The following FBXW7 variants were observed in gnomAD, a reference collection of about 807,000 sequenced individuals.
The protein encoded by FBXW7 is F-box and WD repeat domain containing 7.
FBXW7 carries 11 observed loss-of-function variants against 86.3 expected under a neutral mutation model. The ratio of observed to expected loss-of-function variants is 0.13; its 90% CI spans 0.08 to 0.21. The LOEUF (loss-of-function observed/expected upper bound fraction) is 0.21. Among genes scored for constraint, FBXW7 ranks in the 10% least tolerant of loss-of-function variants. FBXW7 has a pLI of 1.00. For missense variants in FBXW7, 488 were observed against 847.4 expected (o/e 0.58, Z 5.27); for synonymous variants, 313 against 297.9 (o/e 1.05, Z -0.52).
intron 4 of FBXW7, among the ~76,000 whole-genome samples, chr4:152,404,460 T>G (rs1225675853): frequency 6.6e-6 from 1 of 152,258 alleles, no homozygotes; most frequent in Non-Finnish European, 1.5e-5. Context: ...CATATGTATA[T>G]ATGTAGATAC....
chr4:152,349,339 C>T (rs533778039), intron 5 of FBXW7, among the ~76,000 whole-genome samples: 1 of 151,400 alleles, frequency 6.6e-6, no homozygotes, highest in Admixed American at 6.6e-5. Flanking sequence ...TAAGATACTT[C>T]TGTCATTTAA....
At chr4:152,424,924 T>C (rs867831917) in intron 2 of FBXW7, among the ~76,000 whole-genome samples, 1 of 152,228 alleles carries the variant, frequency 6.6e-6, no homozygotes, top group Non-Finnish European at 1.5e-5. Context: ...TGCAGGTCAC[T>C]GGTTGAGACA....
chr4:152,330,712 A>C lies in FBXW7; in HGVS notation c.1122+20T>G. ...AACACTGATTAACGGTTTCTGTTAC[A>C]TTGTGCAGAGTTCAGTTACCTTAGG... On this transcript the variant is annotated intron_variant, in intron 9 of 13. Transcript: ENST00000281708. 2 of 1,607,980 alleles carry C rather than the reference A, an allele frequency of 1.2e-6. No homozygotes were observed. The highest frequency in any genetic ancestry group is 1.7e-6 in the Non-Finnish European group (2 of 1,176,966).
At chr4:152,533,121 C>T (rs1250072098) in intron 2 of FBXW7, among the ~76,000 whole-genome samples, 1 of 151,232 alleles carries the variant, frequency 6.6e-6, no homozygotes. Context: ...ACCTGGGAGG[C>T]GGAGGTTGCA....
intron 2 of FBXW7, among the ~76,000 whole-genome samples, chr4:152,477,185 G>T (rs1293543559): frequency 1.3e-5 from 2 of 152,066 alleles, no homozygotes. Flanking sequence ...CTGAGTAACT[G>T]CTAGCTTGCA....
At chr4:152,533,298 T>C (rs1750179034) in intron 2 of FBXW7, among the ~76,000 whole-genome samples, 1 of 152,182 alleles carries the variant, frequency 6.6e-6, no homozygotes, top group Non-Finnish European at 1.5e-5. Flanking sequence ...AAACTATAGT[T>C]TGTTTCTTAG....
chr4:152,364,915 C>T (rs1733325944), intron 4 of FBXW7, among the ~76,000 whole-genome samples: 1 of 152,180 alleles, frequency 6.6e-6, no homozygotes, highest in Admixed American at 6.6e-5. Flanking sequence ...GCCACAGATA[C>T]TCCCATTCAT....
chr4:152,382,957 GCT>G (rs1735222756), intron 4 of FBXW7, among the ~76,000 whole-genome samples: 1 of 151,976 alleles, frequency 6.6e-6, no homozygotes, highest in Non-Finnish European at 1.5e-5. Flanking sequence ...TCAAGTGTGT[GCT>G]CTCTTTCCCT....
intron 6 of FBXW7, among the ~76,000 whole-genome samples, chr4:152,342,876 T>G (rs974648954): frequency 1.3e-5 from 2 of 152,232 alleles, no homozygotes; most frequent in African/African-American, 4.8e-5. Context: ...CCTGGTCTTC[T>G]CTAGCTAAAT....
At chr4:152,416,594 T>A (rs1237404977) in intron 2 of FBXW7, among the ~76,000 whole-genome samples, 1 of 152,186 alleles carries the variant, frequency 6.6e-6, no homozygotes, top group Non-Finnish European at 1.5e-5. Flanking sequence ...TTTCAGGGAC[T>A]GCAAAATTTG....
At chr4:152,326,325 G>A (rs565526456) in intron 11 of FBXW7, 94 bp from the exon 12 acceptor site, 7 of 741,762 alleles carry the variant, frequency 9.4e-6, no homozygotes, top group Non-Finnish European at 1.3e-5. Flanking sequence ...TTTAGTCAAG[G>A]TTTTTTAGCT....
chr4:152,332,760 A>T, intron 7 of FBXW7, 41 bp from the exon 8 acceptor site: 1 of 929,392 alleles, frequency 1.1e-6, no homozygotes, highest in Non-Finnish European at 1.4e-6. Flanking sequence ...TATTTAAATA[A>T]ATATATATAT....
At chr4:152,452,212 T>C (rs1741969723) in intron 2 of FBXW7, among the ~76,000 whole-genome samples, 1 of 152,184 alleles carries the variant, frequency 6.6e-6, no homozygotes, top group South Asian at 2.1e-4. Flanking sequence ...TCAGCTTTAT[T>C]TTCTAACAGG....
intron 4 of FBXW7, among the ~76,000 whole-genome samples, chr4:152,386,437 GTTAA>G (rs767935686): frequency 2.6e-5 from 4 of 151,982 alleles, no homozygotes; most frequent in Non-Finnish European, 4.4e-5. Flanking sequence ...GTTCGATAGT[GTTAA>G]TTAAACTGTC....
At chr4:152,343,733 C>T (rs974742043) in intron 6 of FBXW7, among the ~76,000 whole-genome samples, 2 of 152,112 alleles carry the variant, frequency 1.3e-5, no homozygotes, top group Non-Finnish European at 2.9e-5. Flanking sequence ...AAATGACCAA[C>T]TCGCTTCCCT....
At chr4:152,323,539 C>G (rs1479672984) in intron 13 of FBXW7, 1 of 203,980 alleles carries the variant, frequency 4.9e-6, no homozygotes, top group African/African-American at 2.3e-5. Context: ...CAAAGCTGAA[C>G]AGTCACTATT....
At chr4:152,403,220 G>A (rs1001057694) in intron 4 of FBXW7, among the ~76,000 whole-genome samples, 1 of 152,200 alleles carries the variant, frequency 6.6e-6, no homozygotes, top group Non-Finnish European at 1.5e-5. Flanking sequence ...GCTCATGCCT[G>A]TAATCCCAGC....
chr4:152,479,156 C>T (rs1744661703), intron 2 of FBXW7, among the ~76,000 whole-genome samples: 1 of 152,060 alleles, frequency 6.6e-6, no homozygotes, highest in Admixed American at 6.6e-5. Flanking sequence ...ATAAGCTGAG[C>T]TTTCATCAAT....
At chr4:152,456,182 T>C (rs1010831077) in intron 2 of FBXW7, among the ~76,000 whole-genome samples, 9 of 151,764 alleles carry the variant, frequency 5.9e-5, no homozygotes, top group Admixed American at 4.6e-4. Context: ...ATTTAGCACA[T>C]AGAAAGAACT....
Sources: allele counts gnomAD v4.1 joint callset (sites outside exome capture counted in the v4.1 genomes callset), GRCh38; gene constraint gnomAD v4.1.1; transcripts MANE v1.5; gene names NCBI Gene and HGNC (gene_info 2026-07-23, HGNC 2026-07-21).